REDIC1: variants seen among roughly 807,000 people sequenced by gnomAD.
The protein encoded by REDIC1 is HEI10 Interacting Protein 1.
the REDIC1 span, among the ~76,000 whole-genome samples, chr12:39,633,778 C>T: frequency 4.6e-5 from 7 of 152,262 alleles, no homozygotes; most frequent in East Asian, 3.9e-4. Flanking sequence ...CTGTCCTTGA[C>T]GGAACCATCG....
the REDIC1 span, among the ~76,000 whole-genome samples, chr12:39,882,706 C>T: frequency 7.9e-5 from 12 of 152,120 alleles, no homozygotes; most frequent in Non-Finnish European, 1.2e-4. Flanking sequence ...CCCACATACC[C>T]GACCAGTCTA....
At chr12:39,858,330 G>A in the REDIC1 span, among the ~76,000 whole-genome samples, 4 of 152,142 alleles carry the variant, frequency 2.6e-5, no homozygotes, top group East Asian at 7.7e-4. Flanking sequence ...GTAGATATTA[G>A]TAACACATAC....
chr12:39,882,110 A>G, the REDIC1 span, among the ~76,000 whole-genome samples: 1 of 151,974 alleles, frequency 6.6e-6, no homozygotes, highest in Admixed American at 6.6e-5. Flanking sequence ...CTTCTTTTTT[A>G]TTATCCATCA....
At chr12:39,768,341 C>G in the REDIC1 span, among the ~76,000 whole-genome samples, 3 of 152,104 alleles carry the variant, frequency 2.0e-5, no homozygotes, top group South Asian at 2.1e-4. Context: ...ACTTTCTTAT[C>G]ATTTGTGTGT....
chr12:39,903,968 A>T, the REDIC1 span, among the ~76,000 whole-genome samples: 4 of 152,076 alleles, frequency 2.6e-5, no homozygotes, highest in Admixed American at 2.6e-4. Context: ...GCTATTTATC[A>T]GATTTCCTGC....
the REDIC1 span, among the ~76,000 whole-genome samples, chr12:39,804,899 C>T: frequency 2.1e-5 from 3 of 146,340 alleles, no homozygotes; most frequent in Non-Finnish European, 4.5e-5. Flanking sequence ...TGACAGGGCT[C>T]TCAGGGAAGG....
At chr12:39,663,126 C>A in the REDIC1 span, among the ~76,000 whole-genome samples, 1 of 151,768 alleles carries the variant, frequency 6.6e-6, no homozygotes, top group Non-Finnish European at 1.5e-5. Context: ...CAGAGTAATC[C>A]GGCTTCATAT....
the REDIC1 span, among the ~76,000 whole-genome samples, chr12:39,701,268 A>G: frequency 7.9e-5 from 12 of 151,594 alleles, no homozygotes; most frequent in Non-Finnish European, 3.0e-5. Context: ...GAAAACAAAA[A>G]AAGGCAGGGG....
At chr12:39,785,358 C>T in the REDIC1 span, among the ~76,000 whole-genome samples, 1 of 152,236 alleles carries the variant, frequency 6.6e-6, no homozygotes, top group Non-Finnish European at 1.5e-5. Context: ...TAAGCCTTGG[C>T]AGCTTCCATG....
At chr12:39,793,387 C>A in the REDIC1 span, among the ~76,000 whole-genome samples, 3 of 152,038 alleles carry the variant, frequency 2.0e-5, no homozygotes, top group Non-Finnish European at 4.4e-5. Flanking sequence ...GTAAAGACAT[C>A]AATTCATCCC....
At chr12:39,630,952 C>G in the REDIC1 span, among the ~76,000 whole-genome samples, 1 of 152,148 alleles carries the variant, frequency 6.6e-6, no homozygotes, top group African/African-American at 2.4e-5. Context: ...GCATTTGTCT[C>G]AGTGTTTGTT....
chr12:39,683,892 T>A, the REDIC1 span, among the ~76,000 whole-genome samples: 3 of 152,198 alleles, frequency 2.0e-5, no homozygotes, highest in East Asian at 3.9e-4. Context: ...GCTTGCTTGG[T>A]TGGTATAGAA....
chr12:39,827,928 G>A, the REDIC1 span, among the ~76,000 whole-genome samples: 18 of 152,092 alleles, frequency 1.2e-4, no homozygotes, highest in African/African-American at 4.1e-4. Flanking sequence ...TATGGCTATG[G>A]ATTGCCTCAA....
At chr12:39,672,587 C>T in the REDIC1 span, among the ~76,000 whole-genome samples, 1 of 152,078 alleles carries the variant, frequency 6.6e-6, no homozygotes, top group East Asian at 1.9e-4. Context: ...GATAGCAGTC[C>T]CAGGCCGGCA....
At chr12:39,685,799 TA>T in the REDIC1 span, among the ~76,000 whole-genome samples, 1 of 152,184 alleles carries the variant, frequency 6.6e-6, no homozygotes, top group African/African-American at 2.4e-5. Context: ...AAATCAAAAA[TA>T]AGGTAGTTAC....
At chr12:39,851,654 G>T in the REDIC1 span, among the ~76,000 whole-genome samples, 1 of 152,058 alleles carries the variant, frequency 6.6e-6, no homozygotes, top group African/African-American at 2.4e-5. Flanking sequence ...ACACACATAG[G>T]AAAACACCAA....
the REDIC1 span, among the ~76,000 whole-genome samples, chr12:39,669,549 G>T: frequency 6.6e-6 from 1 of 152,292 alleles, no homozygotes; most frequent in East Asian, 1.9e-4. Flanking sequence ...CTCCAGCTGC[G>T]TGCTGGGAGA....
chr12:39,690,633 A>G, the REDIC1 span, among the ~76,000 whole-genome samples: 1 of 152,300 alleles, frequency 6.6e-6, no homozygotes, highest in Admixed American at 6.5e-5. Flanking sequence ...GAAAAAATCA[A>G]TATAGGTTAT....
At chr12:39,863,590 A>G in the REDIC1 span, among the ~76,000 whole-genome samples, 1 of 152,208 alleles carries the variant, frequency 6.6e-6, no homozygotes, top group African/African-American at 2.4e-5. Flanking sequence ...AAAGTAGAAT[A>G]TGCATTTCTA....
Sources: allele counts gnomAD v4.1 joint callset (sites outside exome capture counted in the v4.1 genomes callset), GRCh38; gene constraint gnomAD v4.1.1; transcripts MANE v1.5; gene names NCBI Gene and HGNC (gene_info 2026-07-23, HGNC 2026-07-21).